FAT3: variants seen among roughly 807,000 people sequenced by gnomAD.
FAT3 encodes FAT atypical cadherin 3.
FAT3 carries 95 observed loss-of-function variants against 310.2 expected under a neutral mutation model. That is an observed-to-expected ratio of 0.31 (90% confidence interval 0.26 to 0.36). FAT3 has a LOEUF of 0.36. FAT3 is among the 10% of genes least tolerant of loss of function. FAT3 has a pLI of 1.00. For synonymous variants in FAT3, 2,314 were observed against 2,192.9 expected (o/e 1.06, Z -1.54); for missense variants, 5,408 against 5,715.6 (o/e 0.95, Z 1.74).
chr11:92,283,330 T>G (rs915246188), intron 1 of FAT3, among the ~76,000 whole-genome samples: 1 of 152,178 alleles, frequency 6.6e-6, no homozygotes, highest in East Asian at 1.9e-4. Flanking sequence ...CATTATAAAG[T>G]TCATCAGTCA....
At chr11:92,561,223 T>C (rs1565412781) in intron 3 of FAT3, among the ~76,000 whole-genome samples, 2 of 151,638 alleles carry the variant, frequency 1.3e-5, no homozygotes, top group South Asian at 2.1e-4. Context: ...TCCTTCAGTA[T>C]TGACAGTCTC....
intron 13 of FAT3, 61 bp downstream of exon 13, chr11:92,810,137 A>G: frequency 2.0e-6 from 3 of 1,466,794 alleles, no homozygotes; most frequent in Non-Finnish European, 2.8e-6. Context: ...AGGTGCTGCC[A>G]TTCCTTTAGT....
At chr11:92,437,433 T>C (rs376735143) in intron 2 of FAT3, among the ~76,000 whole-genome samples, 1 of 152,358 alleles carries the variant, frequency 6.6e-6, no homozygotes, top group East Asian at 1.9e-4. Flanking sequence ...ATTTAACTTC[T>C]CTAAGCTTAT....
At chr11:92,802,796 A>T (rs1294501067) in intron 10 of FAT3, among the ~76,000 whole-genome samples, 1 of 152,242 alleles carries the variant, frequency 6.6e-6, no homozygotes. Flanking sequence ...GAAAAACTAC[A>T]TCATTCAGAG....
intron 1 of FAT3, among the ~76,000 whole-genome samples, chr11:92,250,184 T>C (rs1190935555): frequency 6.6e-6 from 1 of 152,152 alleles, no homozygotes; most frequent in African/African-American, 2.4e-5. Flanking sequence ...AAGTGGTACA[T>C]AAATTCTGCA....
At chr11:92,432,829 C>T (rs1409109573) in intron 2 of FAT3, among the ~76,000 whole-genome samples, 1 of 152,148 alleles carries the variant, frequency 6.6e-6, no homozygotes, top group East Asian at 1.9e-4. Context: ...TGAAGCTGTG[C>T]CCATAGCTGC....
intron 1 of FAT3, among the ~76,000 whole-genome samples, chr11:92,273,126 T>C (rs1449203823): frequency 6.6e-6 from 1 of 152,108 alleles, no homozygotes; most frequent in Admixed American, 6.6e-5. Flanking sequence ...ATTCTAACAA[T>C]AGTATCTGTG....
At chr11:92,795,937 C>A (rs1170682624) in intron 9 of FAT3, among the ~76,000 whole-genome samples, 2 of 152,030 alleles carry the variant, frequency 1.3e-5, no homozygotes, top group Non-Finnish European at 2.9e-5. Context: ...TATTTGAGGT[C>A]AAAAGCTGGC....
chr11:92,670,679 A>G lies in FAT3; in HGVS notation c.3608-26705A>G, dbSNP rs532708463. 3.9e-5 allele frequency among the ~76,000 whole-genome samples: 6 copies of G among 152,336 alleles called. No homozygotes were observed. The East Asian group carries it at 9.6e-4, about 24-fold the overall frequency. On this transcript the variant is annotated intron_variant, in intron 3 of 27. Transcript: ENST00000525166. ...TTTTCTGTAGCAGAGTGGAAGCTAGATTATTTACCTTGTGATAACATCTGC... is the reference window on the plus strand; with the variant it reads ...TTTTCTGTAGCAGAGTGGAAGCTAGGTTATTTACCTTGTGATAACATCTGC...
At chr11:92,333,148 G>A (rs1289886229) in intron 1 of FAT3, among the ~76,000 whole-genome samples, 1 of 152,112 alleles carries the variant, frequency 6.6e-6, no homozygotes, top group East Asian at 1.9e-4. Context: ...AGAATAGAAG[G>A]CCAGATACTT....
chr11:92,805,467 G>A, intron 11 of FAT3, 118 bp downstream of exon 11: 2 of 992,960 alleles, frequency 2.0e-6, no homozygotes, highest in South Asian at 2.1e-5. Flanking sequence ...AATTGGGTGT[G>A]GGTATAAGAG....
chr11:92,811,159 G>A (rs949907971), intron 13 of FAT3, among the ~76,000 whole-genome samples: 4 of 152,076 alleles, frequency 2.6e-5, no homozygotes, highest in African/African-American at 9.7e-5. Flanking sequence ...GTGAAAAATG[G>A]TAAACAAGAA....
At chr11:92,477,755 G>T (rs766679189) in intron 2 of FAT3, among the ~76,000 whole-genome samples, 6 of 152,198 alleles carry the variant, frequency 3.9e-5, no homozygotes, top group Non-Finnish European at 5.9e-5. Flanking sequence ...AAGGTTGAAT[G>T]TATTCAAGGT....
intron 1 of FAT3, among the ~76,000 whole-genome samples, chr11:92,307,267 C>G (rs577666739): frequency 2.0e-5 from 3 of 151,414 alleles, no homozygotes; most frequent in Non-Finnish European, 4.4e-5. Flanking sequence ...CATCCTGGCT[C>G]ATTTTCAAAA....
intron 1 of FAT3, among the ~76,000 whole-genome samples, chr11:92,279,282 G>T (rs1031860182): frequency 2.0e-5 from 3 of 152,100 alleles, no homozygotes; most frequent in Admixed American, 6.6e-5. Flanking sequence ...GACTGCTGCT[G>T]CAGCTGTTAT....
chr11:92,579,367 A>G (rs1254268993), intron 3 of FAT3, among the ~76,000 whole-genome samples: 1 of 152,256 alleles, frequency 6.6e-6, no homozygotes, highest in East Asian at 1.9e-4. Flanking sequence ...AGAGGATTAT[A>G]GGTAGTGCCC....
chr11:92,470,765 T>G (rs889842579), intron 2 of FAT3, among the ~76,000 whole-genome samples: 28 of 152,360 alleles, frequency 1.8e-4, no homozygotes, highest in African/African-American at 7.2e-5. Context: ...CTACTTGTAA[T>G]CTGGTACTTT....
chr11:92,803,107 T>A (rs1248976898), intron 10 of FAT3, among the ~76,000 whole-genome samples: 1 of 147,334 alleles, frequency 6.8e-6, no homozygotes, highest in Non-Finnish European at 1.5e-5. Context: ...ATGACTTTAA[T>A]TCATTTGCAT....
chr11:92,598,228 A>AT (rs202033909), intron 3 of FAT3, among the ~76,000 whole-genome samples: 2,084 of 129,040 alleles, frequency 0.016, 69 homozygotes, highest in African/African-American at 0.063. Context: ...ATATATATAT[A>AT]TATTTTTTTT....
Sources: gnomAD v4.1 joint callset for allele counts (sites outside exome capture counted in the v4.1 genomes callset) on GRCh38, gnomAD v4.1.1 for gene constraint, MANE v1.5 for transcripts, NCBI Gene and HGNC (gene_info 2026-07-23, HGNC 2026-07-21) for gene names.